Variants in LRP1B observed in about 807,000 individuals in gnomAD.
LRP1B encodes the protein low-density lipoprotein receptor-related protein 1B.
Under a neutral mutation model 556.6 loss-of-function variants are expected in LRP1B, and 217 were observed. The observed-to-expected ratio is 0.39, with a 90% CI of 0.35 to 0.44. LRP1B has a LOEUF of 0.44. Among genes scored for constraint, LRP1B ranks in the 20% least tolerant of loss-of-function variants. The pLI is 1.00. For missense variants in LRP1B, 5,053 were observed against 5,620.8 expected, an observed-to-expected ratio of 0.90 and a Z score of 3.23; for synonymous variants, 2,047 against 1,865.8, an observed-to-expected ratio of 1.10 and a Z score of -2.50.
chr2:140,571,468 T>C (rs185328988), intron 43 of LRP1B, among the ~76,000 whole-genome samples: 168 of 151,882 alleles, frequency 1.1e-3, no homozygotes, highest in African/African-American at 3.4e-3. Context: ...GTGAAATATT[T>C]TAACAAGGAA....
At chr2:141,055,895 T>G (rs1034737581) in intron 9 of LRP1B, among the ~76,000 whole-genome samples, 5 of 151,236 alleles carry the variant, frequency 3.3e-5, no homozygotes, top group African/African-American at 1.2e-4. Context: ...AGAAGAATAT[T>G]TTGTGAGCAT....
intron 2 of LRP1B, among the ~76,000 whole-genome samples, chr2:141,648,731 G>A (rs966217000): frequency 6.6e-6 from 1 of 152,200 alleles, no homozygotes; most frequent in African/African-American, 2.4e-5. Flanking sequence ...ACAGGTAGGT[G>A]TGAAAGACAG....
At chr2:140,587,276 G>A (rs575805907) in intron 43 of LRP1B, among the ~76,000 whole-genome samples, 34 of 152,256 alleles carry the variant, frequency 2.2e-4, no homozygotes, top group African/African-American at 5.8e-4. Context: ...AGGAGAAAGC[G>A]TGGGGCTAAA....
intron 20 of LRP1B, among the ~76,000 whole-genome samples, chr2:140,941,140 C>T (rs1546785): frequency 0.87 from 132,243 of 152,142 alleles, 57,725 homozygotes; most frequent in South Asian, 0.93. Flanking sequence ...AGAAAAAAAG[C>T]GGGTATAAAT....
chr2:141,850,358 C>T (rs1697805377), intron 1 of LRP1B, among the ~76,000 whole-genome samples: 1 of 151,544 alleles, frequency 6.6e-6, no homozygotes, highest in African/African-American at 2.4e-5. Flanking sequence ...CTTTTGTGAT[C>T]TTTGCTTTGT....
At chr2:140,314,681 G>C (rs2105035289) in intron 83 of LRP1B, among the ~76,000 whole-genome samples, 1 of 152,108 alleles carries the variant, frequency 6.6e-6, no homozygotes, top group South Asian at 2.1e-4. Flanking sequence ...TCTGAGCCAG[G>C]GGCAAATTAT....
intron 41 of LRP1B, among the ~76,000 whole-genome samples, chr2:140,633,132 T>A (rs1396872155): frequency 1.0e-4 from 15 of 149,900 alleles, no homozygotes; most frequent in African/African-American, 3.4e-4. Flanking sequence ...ATAGGTTAAA[T>A]GAGATGGAGA....
intron 2 of LRP1B, among the ~76,000 whole-genome samples, chr2:141,590,662 G>T (rs914534201): frequency 2.6e-5 from 4 of 152,110 alleles, no homozygotes; most frequent in Non-Finnish European, 4.4e-5. Context: ...GATTTCAATT[G>T]ACAATCCCTG....
chr2:141,889,610 A>G (rs1380232717), intron 1 of LRP1B, among the ~76,000 whole-genome samples: 1 of 152,108 alleles, frequency 6.6e-6, no homozygotes, highest in Non-Finnish European at 1.5e-5. Flanking sequence ...AGCATAGACC[A>G]TGTCTAATAT....
chr2:140,683,161 A>T (rs1010471099), intron 41 of LRP1B, among the ~76,000 whole-genome samples: 5 of 152,096 alleles, frequency 3.3e-5, no homozygotes, highest in African/African-American at 1.2e-4. Context: ...ATTTACAAAG[A>T]ACACACGCAT....
intron 1 of LRP1B, among the ~76,000 whole-genome samples, chr2:141,897,098 A>G (rs1374545038): frequency 1.3e-5 from 2 of 152,156 alleles, no homozygotes; most frequent in Non-Finnish European, 2.9e-5. Context: ...AATAATTATA[A>G]AGACTTAGAA....
In LRP1B at chr2:141,470,962, T is replaced by C. The variant is rs537499682; in HGVS notation, c.343+9434A>G. On this transcript the variant is annotated intron_variant, in intron 3 of 90. Coordinates refer to ENST00000389484, the MANE Select transcript of LRP1B (RefSeq NM_018557.3). ...ATACCTTCCAAATTTCTAAATGTTATTTGAAAAGGATTTTGCTTAATATGG... is the reference window on the plus strand; with the variant it reads ...ATACCTTCCAAATTTCTAAATGTTACTTGAAAAGGATTTTGCTTAATATGG... 1.5e-3 allele frequency among the ~76,000 whole-genome samples: 231 copies of C among 152,302 alleles called. 2 individuals are homozygous for C. The highest frequency in any genetic ancestry group is 5.4e-3 in the African/African-American group (226 of 41,576).
intron 29 of LRP1B, among the ~76,000 whole-genome samples, chr2:140,848,439 C>A (rs1692342014): frequency 6.6e-6 from 1 of 152,144 alleles, no homozygotes; most frequent in Non-Finnish European, 1.5e-5. Context: ...CAGAAAAGAG[C>A]TAGCTTAAAT....
chr2:140,246,778 G>A (rs1015916695), intron 87 of LRP1B, among the ~76,000 whole-genome samples: 1 of 151,378 alleles, frequency 6.6e-6, no homozygotes, highest in African/African-American at 2.4e-5. Flanking sequence ...CACATCCATT[G>A]TGATATCTGC....
chr2:140,345,701 T>C (rs1190994251), intron 77 of LRP1B, among the ~76,000 whole-genome samples: 3 of 146,282 alleles, frequency 2.1e-5, no homozygotes, highest in African/African-American at 7.4e-5. Context: ...TCATGTCCTC[T>C]CATAACTCAT....
chr2:141,482,869 A>T (rs187602766), intron 2 of LRP1B, among the ~76,000 whole-genome samples: 7 of 152,286 alleles, frequency 4.6e-5, no homozygotes, highest in African/African-American at 1.7e-4. Flanking sequence ...CATAAACCTG[A>T]GAAACTTCAG....
chr2:141,599,066 C>CCCCG (rs1687638576), intron 2 of LRP1B, among the ~76,000 whole-genome samples: 6 of 78,706 alleles, frequency 7.6e-5, no homozygotes, highest in Admixed American at 1.5e-4. Flanking sequence ...CCCCCCCCCC[C>CCCCG]CCCCCCCCGC....
rs556712115 is a variant in LRP1B at position 141,582,763 on chromosome 2, A to G, written c.206-102230T>C. Among the ~76,000 whole-genome samples, 6 of 152,146 alleles carry G rather than the reference A, an allele frequency of 3.9e-5. No homozygotes were observed. In the South Asian group the frequency reaches 1.2e-3, roughly 32 times the overall value. On this transcript the variant is annotated intron_variant, in intron 2 of 90. Transcript: ENST00000389484. ...ATCAAACATCTATTGAAGCATTTTA[A>G]AAAAATTAGTTTGAGGATTCTGACC...
At chr2:142,105,237 GA>G (rs1706705355) in intron 1 of LRP1B, among the ~76,000 whole-genome samples, 1 of 152,126 alleles carries the variant, frequency 6.6e-6, no homozygotes, top group African/African-American at 2.4e-5. Flanking sequence ...AAAAGCAACT[GA>G]AAACCATTAA....
Sources: allele counts gnomAD v4.1 joint callset (sites outside exome capture counted in the v4.1 genomes callset), GRCh38; gene constraint gnomAD v4.1.1; transcripts MANE v1.5; gene names NCBI Gene and HGNC (gene_info 2026-07-23, HGNC 2026-07-21).